Variants in LEPR observed in about 807,000 individuals in gnomAD.
LEPR encodes leptin receptor, also known as OB receptor.
Under a neutral mutation model 114.7 loss-of-function variants are expected in LEPR, and 56 were observed. The ratio of observed to expected loss-of-function variants is 0.49; its 90% CI spans 0.39 to 0.61. The LOEUF is 0.61. Among genes scored for constraint, LEPR ranks in the 20% least tolerant of loss-of-function variants. The probability of loss-of-function intolerance (pLI) is 0.00; values close to 1 mark genes in which losing one functional copy is unlikely to be tolerated. For missense variants in LEPR, 1,202 were observed against 1,352.9 expected, an observed-to-expected ratio of 0.89 and a Z score of 1.75; for synonymous variants, 443 against 461.4, an observed-to-expected ratio of 0.96 and a Z score of 0.51.
chr1:65,568,104 G>A (rs754805558), intron 3 of LEPR, among the ~76,000 whole-genome samples: 15 of 151,978 alleles, frequency 9.9e-5, no homozygotes, highest in Non-Finnish European at 1.5e-4. Flanking sequence ...GGGAACTGCC[G>A]ATCTTTTTAC....
intron 10 of LEPR, among the ~76,000 whole-genome samples, chr1:65,604,224 C>T (rs1289076907): frequency 2.0e-5 from 3 of 151,980 alleles, no homozygotes; most frequent in Admixed American, 1.3e-4. Context: ...ATAAGAGTTA[C>T]TGTCAGTTTC....
chr1:65,522,129 G>A (rs887955559), intron 2 of LEPR, among the ~76,000 whole-genome samples: 2 of 152,142 alleles, frequency 1.3e-5, no homozygotes, highest in Admixed American at 6.5e-5. Flanking sequence ...GCCAAAGCGA[G>A]TCACTGTTTT....
At chr1:65,450,278 A>C (rs182844818) in intron 2 of LEPR, among the ~76,000 whole-genome samples, 36 of 152,166 alleles carry the variant, frequency 2.4e-4, no homozygotes, top group African/African-American at 8.7e-4. Context: ...TTTTTTAAAA[A>C]ATTTATTATT....
At chr1:65,512,364 T>C (rs1649078330) in intron 2 of LEPR, among the ~76,000 whole-genome samples, 1 of 152,142 alleles carries the variant, frequency 6.6e-6, no homozygotes, top group Non-Finnish European at 1.5e-5. Flanking sequence ...TCAGGTAGCA[T>C]GGGGCAGTAT....
chr1:65,600,262 G>A (rs1465864229), intron 8 of LEPR, among the ~76,000 whole-genome samples: 1 of 152,042 alleles, frequency 6.6e-6, no homozygotes, highest in African/African-American at 2.4e-5. Context: ...AAGCTTGAGT[G>A]CCACCTCGGC....
intron 2 of LEPR, 62 bp downstream of exon 2, chr1:65,425,440 G>T: frequency 5.7e-6 from 8 of 1,408,708 alleles, no homozygotes; most frequent in Non-Finnish European, 5.8e-6. Context: ...ATTAGTATGG[G>T]TGTTAGAGAG....
At chr1:65,597,472 G>T (rs1332953491) in intron 7 of LEPR, among the ~76,000 whole-genome samples, 1 of 152,082 alleles carries the variant, frequency 6.6e-6, no homozygotes, top group African/African-American at 2.4e-5. Context: ...GGAATGGAAG[G>T]TTGCAATAAT....
At position 65,547,900 on chromosome 1, in the gene LEPR, A is replaced by G. The variant is rs1448594134; in HGVS notation, c.-20-17646A>G. On this transcript the variant is annotated intron_variant, in intron 2 of 19. Transcript: ENST00000349533. ...TTCTAGTTCTTTTAATTGTGATGTT[A>G]GGGTGTCAATTTTGGATCTTTCCTG... Among the ~76,000 whole-genome samples, 5 of 142,336 alleles carry G rather than the reference A, an allele frequency of 3.5e-5. No homozygotes were observed. In the East Asian group the frequency reaches 9.7e-4, roughly 28 times the overall value. The allele number at this position is 142,336 out of a possible 152,430, so 93.4% of individuals were successfully genotyped here.
At chr1:65,494,781 T>C (rs1396263070) in intron 2 of LEPR, among the ~76,000 whole-genome samples, 1 of 152,130 alleles carries the variant, frequency 6.6e-6, no homozygotes, top group Admixed American at 6.6e-5. Context: ...CCTAATCTCC[T>C]GCTAGGTGGT....
chr1:65,518,873 T>TTTTCTTTC (rs55672943), intron 2 of LEPR, among the ~76,000 whole-genome samples: 5,552 of 117,120 alleles, frequency 0.047, 204 homozygotes, highest in East Asian at 0.18. Context: ...CTTTCTTTCT[T>TTTTCTTTC]TTTCTTTCTT....
intron 2 of LEPR, among the ~76,000 whole-genome samples, chr1:65,534,492 T>G (rs777951886): frequency 6.6e-6 from 1 of 152,168 alleles, no homozygotes; most frequent in Non-Finnish European, 1.5e-5. Flanking sequence ...TTCTAGATAC[T>G]GAACAAAATA....
intron 2 of LEPR, chr1:65,526,344 A>C: frequency 1.0e-6 from 1 of 985,438 alleles, no homozygotes; most frequent in Non-Finnish European, 1.2e-6. Context: ...CATCAGCAGC[A>C]AAACCCCAAA....
chr1:65,491,391 A>T (rs1647862662), intron 2 of LEPR, among the ~76,000 whole-genome samples: 2 of 152,152 alleles, frequency 1.3e-5, no homozygotes, highest in African/African-American at 4.8e-5. Flanking sequence ...TTTAGATTGT[A>T]AAACTTCAGG....
chr1:65,626,133 G>C lies in LEPR; in HGVS notation c.2673+3152G>C, dbSNP rs1013481671. 5 of 1,612,152 alleles carry C rather than the reference G, an allele frequency of 3.1e-6. No homozygotes were observed. The African/African-American group carries it at 5.3e-5, about 17-fold the overall frequency. On this transcript the variant is annotated intron_variant, in intron 19 of 19. Transcript: ENST00000349533. ...TTTTCCCTTTTCCAGAAAATGCCTG[G>C]CACAAAGGAACTACTGGGTGGAGGT...
In LEPR at chr1:65,432,811, A is replaced by T. The variant is rs531788382; in HGVS notation, c.-21+7433A>T. The T allele has an allele frequency of 8.6e-5, 47 of 549,146 alleles. No individual in the cohort carries two copies. The African/African-American group carries it at 9.2e-4, about 11-fold the overall frequency. 34.0% of individuals were successfully genotyped at this position (549,146 alleles called of 1,614,324 possible). The stretch of plus-strand genomic sequence containing the variant: ...AATATTGCTAAGAGAGTAAATTTCT[A>T]ATGTTCTCATAAAAAAGTTAAATAT... On this transcript the variant is annotated intron_variant, in intron 2 of 19. Coordinates refer to ENST00000349533, the MANE Select transcript of LEPR (RefSeq NM_002303.6).
intron 2 of LEPR, among the ~76,000 whole-genome samples, chr1:65,539,591 C>A (rs1177718950): frequency 1.3e-5 from 2 of 152,202 alleles, no homozygotes; most frequent in African/African-American, 4.8e-5. Context: ...CCTCCTTTAA[C>A]ACATAGGAGT....
intron 2 of LEPR, among the ~76,000 whole-genome samples, chr1:65,500,000 G>A (rs1438847273): frequency 6.6e-6 from 1 of 152,074 alleles, no homozygotes; most frequent in Non-Finnish European, 1.5e-5. Flanking sequence ...GGAAGTGATT[G>A]GGTCATGGGG....
chr1:65,504,115 G>A (rs1648603084), intron 2 of LEPR, among the ~76,000 whole-genome samples: 1 of 152,090 alleles, frequency 6.6e-6, no homozygotes, highest in Admixed American at 6.6e-5. Flanking sequence ...AGATAAATAA[G>A]GTAGCAATGG....
At position 65,598,674 on chromosome 1, in the gene LEPR, C is replaced by G. The variant is rs771710771; in HGVS notation, c.864C>G (p.Val288=). 3 of 1,613,282 alleles carry G rather than the reference C, an allele frequency of 1.9e-6. No individual in the cohort carries two copies. Among genetic ancestry groups the G allele is most frequent in the Non-Finnish European group, 1.7e-6 (2 of 1,179,622 alleles). Residue 288 remains valine (V), a synonymous_variant, in exon 8 of 20, where the codon GTC becomes GTG. Coordinates refer to ENST00000349533, the MANE Select transcript of LEPR (RefSeq NM_002303.6). The part of the protein sequence containing the change: ...TTVIREADKI[V]SATSLLVDSI... ...ATATTTAACAGGCTGACAAGATTGT[C>G]TCAGCTACATCCCTGCTAGTAGACA...
Sources: allele counts gnomAD v4.1 joint callset (sites outside exome capture counted in the v4.1 genomes callset), GRCh38; gene constraint gnomAD v4.1.1; transcripts MANE v1.5; gene names NCBI Gene and HGNC (gene_info 2026-07-23, HGNC 2026-07-21).